The following FEZ1 variants were observed in gnomAD, a reference collection of about 807,000 sequenced individuals.
FEZ1 encodes fasciculation and elongation protein zeta 1, also known as fasciculation and elongation protein zeta-1.
Under a neutral mutation model 49.3 loss-of-function variants are expected in FEZ1, and 20 were observed. The observed-to-expected ratio is 0.41, with a 90% CI of 0.29 to 0.59. The LOEUF is 0.59. Ranked by LOEUF, FEZ1 falls within the 20% of genes least tolerant of loss-of-function variation. The pLI is 0.36. For missense variants in FEZ1, 413 were observed against 476.0 expected (o/e 0.87, Z 1.23); for synonymous variants, 170 against 180.9 (o/e 0.94, Z 0.48).
chr11:125,472,136 C>G (rs990278258), intron 3 of FEZ1, among the ~76,000 whole-genome samples: 24 of 151,880 alleles, frequency 1.6e-4, no homozygotes, highest in African/African-American at 5.8e-4. Context: ...AATTTTATAG[C>G]TTTAAGTTTT....
chr11:125,495,541 C>A lies in FEZ1; in HGVS notation c.-46+580G>T, dbSNP rs746829938. ...TCCCGGCGTCTGCGGCCGCTGCCAGCGGTTCTGACACTGCAGGAATGCGCG... is the reference window on the plus strand; with the variant it reads ...TCCCGGCGTCTGCGGCCGCTGCCAGAGGTTCTGACACTGCAGGAATGCGCG... On this transcript the variant is annotated intron_variant, in intron 1 of 9. Coordinates refer to ENST00000278919, the MANE Select transcript of FEZ1 (RefSeq NM_005103.5). The surrounding 1 kb of genome is among the most constrained non-coding windows in gnomAD (Gnocchi z 4.2). 6.4e-6 allele frequency: 3 copies of A among 471,000 alleles called. No individual in the cohort carries two copies. Among genetic ancestry groups the A allele is most frequent in the African/African-American group, 2.0e-5 (1 of 50,086 alleles). The allele number at this position is 471,000 out of a possible 1,614,324, so 29.2% of individuals were successfully genotyped here. A position where few individuals can be genotyped will look rare whatever the true frequency, so the allele number is the denominator to read the frequency against.
chr11:125,484,535 G>A (rs1347171950), intron 2 of FEZ1, among the ~76,000 whole-genome samples: 4 of 151,588 alleles, frequency 2.6e-5, no homozygotes, highest in Non-Finnish European at 5.9e-5. Context: ...GGGCGTGGTG[G>A]CCCACACCTG....
chr11:125,493,456 AGG>A (rs1957414628), intron 1 of FEZ1, among the ~76,000 whole-genome samples: 1 of 61,072 alleles, frequency 1.6e-5, no homozygotes, highest in African/African-American at 1.2e-4. Flanking sequence ...GAAGGAAAGA[AGG>A]AAAGAAGGAA....
At chr11:125,479,257 G>A (rs1957258997) in intron 3 of FEZ1, among the ~76,000 whole-genome samples, 1 of 152,180 alleles carries the variant, frequency 6.6e-6, no homozygotes, top group African/African-American at 2.4e-5. Flanking sequence ...GTCAACTGCT[G>A]ATCTCTTTGC....
chr11:125,465,721 C>G (rs979185399), intron 3 of FEZ1, among the ~76,000 whole-genome samples: 1 of 152,190 alleles, frequency 6.6e-6, no homozygotes, highest in African/African-American at 2.4e-5. Context: ...CGGGTTACCC[C>G]CTAATCCTTG....
At chr11:125,451,719 T>A (rs1956960089) in intron 8 of FEZ1, among the ~76,000 whole-genome samples, 1 of 152,254 alleles carries the variant, frequency 6.6e-6, no homozygotes. Flanking sequence ...CTGTTTGATG[T>A]ATATAAACAG....
intron 3 of FEZ1, among the ~76,000 whole-genome samples, chr11:125,474,658 G>A (rs1957213423): frequency 6.6e-6 from 1 of 152,086 alleles, no homozygotes; most frequent in African/African-American, 2.4e-5. Context: ...GGGAGGCCAA[G>A]GCAGGCGGAT....
chr11:125,463,925 G>A (rs1957099044), intron 3 of FEZ1, among the ~76,000 whole-genome samples: 1 of 152,230 alleles, frequency 6.6e-6, no homozygotes, highest in African/African-American at 2.4e-5. Flanking sequence ...TGACACTGCA[G>A]CCAACTGCAG....
chr11:125,481,491 C>T (rs1957278652), intron 3 of FEZ1, 43 bp downstream of exon 3: 1 of 1,066,286 alleles, frequency 9.4e-7, no homozygotes, highest in Non-Finnish European at 1.5e-6. Context: ...TAACTGGATT[C>T]CACATCTCAA....
At chr11:125,487,485 A>G (rs1297416347) in intron 2 of FEZ1, among the ~76,000 whole-genome samples, 1 of 152,224 alleles carries the variant, frequency 6.6e-6, no homozygotes, top group Non-Finnish European at 1.5e-5. Flanking sequence ...ACTAGAACGA[A>G]AAAATATTCG....
At chr11:125,458,277 T>C (rs1957039107) in intron 5 of FEZ1, among the ~76,000 whole-genome samples, 1 of 152,218 alleles carries the variant, frequency 6.6e-6, no homozygotes, top group Non-Finnish European at 1.5e-5. Context: ...TCCCCATGGG[T>C]GGATCAACTC....
At chr11:125,482,971 C>A in intron 2 of FEZ1, among the ~76,000 whole-genome samples, 1 of 45,152 alleles carries the variant, frequency 2.2e-5, no homozygotes. Context: ...GAACAAGACA[C>A]TGTAAAAAAA....
chr11:125,468,468 G>T (rs1041443876), intron 3 of FEZ1, among the ~76,000 whole-genome samples: 1 of 152,114 alleles, frequency 6.6e-6, no homozygotes, highest in Non-Finnish European at 1.5e-5. Context: ...GTGCTTACAG[G>T]TGTGAGCCAC....
intron 3 of FEZ1, among the ~76,000 whole-genome samples, chr11:125,478,449 A>T (rs929179824): frequency 6.6e-6 from 1 of 152,142 alleles, no homozygotes; most frequent in South Asian, 2.1e-4. Flanking sequence ...CTCAAAAAAT[A>T]AAAAAAATTG....
rs573972770 is a variant in FEZ1, at chr11:125,475,194, C to T, written c.411+6340G>A. ...CTGAGGTGTGAAGATTGCTTGAGTC[C>T]GGGAGGTGGAGGTTGCTGTGAGCTG... On this transcript the variant is annotated intron_variant, in intron 3 of 9. Transcript: ENST00000278919. Among the ~76,000 whole-genome samples the T allele has an allele frequency of 2.6e-4, 40 of 151,114 alleles. No homozygotes were observed. In the South Asian group the frequency reaches 7.3e-3, roughly 28 times the overall value.
chr11:125,495,487 C>T lies in FEZ1; in HGVS notation c.-46+634G>A. On this transcript the variant is annotated intron_variant, in intron 1 of 9. Coordinates refer to ENST00000278919, the MANE Select transcript of FEZ1 (RefSeq NM_005103.5). The surrounding 1 kb of genome is among the most constrained non-coding windows in gnomAD (Gnocchi z 4.2). The stretch of plus-strand genomic sequence containing the variant: ...CCGCGCAGCCGCCCCGGTCCCTTCT[C>T]CCGCCCGTCTGTAGTAAAACAATCG... The T allele has an allele frequency of 2.1e-6, 1 of 471,108 alleles. No homozygotes were observed. The highest frequency in any genetic ancestry group is 2.3e-5 in the Admixed American group (1 of 42,588). The allele number at this position is 471,108 out of a possible 1,614,324, so 29.2% of individuals were successfully genotyped here.
At position 125,495,798 on chromosome 11, in the gene FEZ1, G is replaced by GCACACACA; in HGVS notation, c.-46+322_-46+323insTGTGTGTG. ...CGCACACACGCGGGCACACACACGCGGACACACACACACACACACACACAC... is the reference window on the plus strand; with the variant it reads ...CGCACACACGCGGGCACACACACGCGCACACACAGACACACACACACACACACACACAC... On this transcript the variant is annotated intron_variant, in intron 1 of 9. Coordinates refer to ENST00000278919, the MANE Select transcript of FEZ1 (RefSeq NM_005103.5). The surrounding 1 kb of genome is among the most constrained non-coding windows in gnomAD (Gnocchi z 4.2). 1 of 286,136 alleles carries GCACACACA rather than the reference G, an allele frequency of 3.5e-6. No homozygotes were observed. 17.7% of individuals were successfully genotyped at this position (286,136 alleles called of 1,614,324 possible).
chr11:125,455,016 C>CAA (rs542942487), intron 6 of FEZ1, among the ~76,000 whole-genome samples: 7 of 54,834 alleles, frequency 1.3e-4, no homozygotes, highest in East Asian at 4.8e-4. Context: ...TCCATCTCAC[C>CAA]AAAAAAAAAA....
Position 125,456,952 on chromosome 11 carries a change from G to A in FEZ1, c.668-846C>T, listed in dbSNP as rs555839101. 8.5e-4 allele frequency among the ~76,000 whole-genome samples: 130 copies of A among 152,244 alleles called. 1 individual carries two copies. The highest frequency in any genetic ancestry group is 3.0e-3 in the African/African-American group (123 of 41,546). On this transcript the variant is annotated intron_variant, in intron 5 of 9. Transcript: ENST00000278919. ...TAATCCCAGCATATTGGAAGGCTGC[G>A]ATGTGCGGATCACCTGAGGTCAGGA...
Sources: allele counts gnomAD v4.1 joint callset (sites outside exome capture counted in the v4.1 genomes callset), GRCh38; gene constraint gnomAD v4.1.1; non-coding constraint Gnocchi (gnomAD v3.1); transcripts MANE v1.5; gene names NCBI Gene and HGNC (gene_info 2026-07-23, HGNC 2026-07-21).